GSG1L2: variants seen among roughly 807,000 people sequenced by gnomAD.
The protein encoded by GSG1L2 is GSG1 like 2.
GSG1L2 carries 15 observed loss-of-function variants against 9.0 expected under a neutral mutation model. The ratio of observed to expected loss-of-function variants is 1.67; its 90% CI spans 1.12 to 2.57. The LOEUF (loss-of-function observed/expected upper bound fraction) is 2.57, where lower values mean the gene tolerates loss of function less well. Among genes scored for constraint, GSG1L2 ranks in the 30% most tolerant of loss-of-function variants. GSG1L2 has a pLI of 0.00. For missense variants in GSG1L2, 286 were observed against 150.3 expected, an observed-to-expected ratio of 1.90 and a Z score of -4.72; for synonymous variants, 127 against 57.9, an observed-to-expected ratio of 2.19 and a Z score of -5.41.
intron 1 of GSG1L2, among the ~76,000 whole-genome samples, chr17:9,818,009 C>T (rs574826663): frequency 3.6e-4 from 55 of 152,288 alleles, no homozygotes; most frequent in Non-Finnish European, 7.1e-4. Flanking sequence ...ATGGGCCTGG[C>T]ACAGTGGCCA....
intron 1 of GSG1L2, among the ~76,000 whole-genome samples, chr17:9,816,381 CGT>C (rs760933495): frequency 2.7e-5 from 4 of 149,188 alleles, no homozygotes; most frequent in African/African-American, 9.9e-5. Context: ...TGTGTGTGTG[CGT>C]GTGTGTCTGT....
intron 1 of GSG1L2, among the ~76,000 whole-genome samples, chr17:9,816,614 GTGTGT>G (rs2066564185): frequency 1.4e-5 from 2 of 139,766 alleles, no homozygotes; most frequent in South Asian, 4.8e-4. Context: ...GTGTGTGTCT[GTGTGT>G]CTGTTTTGCA....
intron 1 of GSG1L2, among the ~76,000 whole-genome samples, chr17:9,816,862 G>C (rs910351231): frequency 6.9e-6 from 1 of 145,956 alleles, no homozygotes; most frequent in African/African-American, 2.6e-5. Flanking sequence ...GTATCTGTAT[G>C]TGTGTGTCTG....
At chr17:9,807,446 C>A (rs1468725275) in intron 4 of GSG1L2, 44 bp downstream of exon 4, 1 of 702,082 alleles carries the variant, frequency 1.4e-6, no homozygotes, top group Non-Finnish European at 2.6e-6. Flanking sequence ...ATGTGCATCT[C>A]TCCTGATCCT....
In GSG1L2 at chr17:9,821,927, C is replaced by T; in HGVS notation, c.145G>A (p.Gly49Arg). The T allele has an allele frequency of 1.4e-6, 1 of 703,248 alleles. No homozygotes were observed. The highest frequency in any genetic ancestry group is 2.6e-6 in the Non-Finnish European group (1 of 385,040). 43.6% of individuals were successfully genotyped at this position (703,248 alleles called of 1,614,324 possible). Residue 49 changes from glycine (G) to arginine (R), a missense_variant, in exon 1 of 5, where the codon GGG (glycine) becomes AGG (arginine). By Grantham distance (125) the Gly-to-Arg change is moderately radical (BLOSUM62 -2). Coordinates refer to ENST00000399363, the MANE Select transcript of GSG1L2 (RefSeq NM_001310219.2). Reference sequence around the variant, plus strand: ...CGTTTGAAGTGAATGCAGTGCTGCCCTCCCGGCTGGTCCTGGCACAGTGGC... The same window carrying T: ...CGTTTGAAGTGAATGCAGTGCTGCCTTCCCGGCTGGTCCTGGCACAGTGGC... The part of the protein sequence containing the change: ...VKPLCQDQPG[G>R]QHCIHFKRDN...
At chr17:9,809,697 A>G (rs1260720057) in intron 2 of GSG1L2, 2 of 152,256 alleles carry the variant, frequency 1.3e-5, no homozygotes, top group Non-Finnish European at 2.9e-5. Context: ...TGTTTTACAA[A>G]CCTCTTTAAG....
At chr17:9,821,392 T>C (rs937299278) in intron 1 of GSG1L2, among the ~76,000 whole-genome samples, 7 of 148,084 alleles carry the variant, frequency 4.7e-5, no homozygotes, top group Admixed American at 3.3e-4. Flanking sequence ...ATACCAGGGA[T>C]TCAGTGACAA....
intron 1 of GSG1L2, 113 bp downstream of exon 1, chr17:9,821,649 A>G: frequency 1.5e-6 from 1 of 650,216 alleles, no homozygotes; most frequent in Non-Finnish European, 2.8e-6. Flanking sequence ...CCCCTGCATC[A>G]TCCCGCACCT....
chr17:9,820,178 C>T lies in GSG1L2; in HGVS notation c.310+1584G>A, dbSNP rs2066583455. ...CTCTCTTAAATTAGAACCTCCAGGA[C>T]TGGGCACCTGGATATTTCTTTTACA... On this transcript the variant is annotated intron_variant, in intron 1 of 4. Transcript: ENST00000399363. This position sits in a 1 kb window ranked among gnomAD's most constrained non-coding sequence, Gnocchi z 4.9. 6.6e-6 allele frequency among the ~76,000 whole-genome samples: 1 copy of T among 152,112 alleles called. No individual in the cohort carries two copies. The highest frequency in any genetic ancestry group is 2.4e-5 in the African/African-American group (1 of 41,436).
intron 1 of GSG1L2, among the ~76,000 whole-genome samples, chr17:9,816,091 A>T (rs2066558283): frequency 6.6e-6 from 1 of 152,162 alleles, no homozygotes; most frequent in Non-Finnish European, 1.5e-5. Context: ...CTCTCACCAG[A>T]TGTGCTCCCT....
rs1258630706 is a variant in GSG1L2, at chr17:9,820,715, G to A, written c.310+1047C>T. Among the ~76,000 whole-genome samples, 3 of 151,608 alleles carry A rather than the reference G, an allele frequency of 2.0e-5. No homozygotes were observed. Among genetic ancestry groups the A allele is most frequent in the Admixed American group, 1.3e-4 (2 of 15,200 alleles). On this transcript the variant is annotated intron_variant, in intron 1 of 4. Coordinates refer to ENST00000399363, the MANE Select transcript of GSG1L2 (RefSeq NM_001310219.2). This position sits in a 1 kb window ranked among gnomAD's most constrained non-coding sequence, Gnocchi z 4.9. ...TCTCGCTCTATCATTCAGGCTGGAGGGCAGTCACACGATGATGACTCACTG... is the reference window on the plus strand; with the variant it reads ...TCTCGCTCTATCATTCAGGCTGGAGAGCAGTCACACGATGATGACTCACTG...
chr17:9,808,932 G>C lies in GSG1L2; in HGVS notation c.409C>G (p.Leu137Val), dbSNP rs1200363806. ...GAGCCCAGGAGGATGGCGCTTGTCAGTATCAGAACGATATCCAGGACCTCG... is the reference window on the plus strand; with the variant it reads ...GAGCCCAGGAGGATGGCGCTTGTCACTATCAGAACGATATCCAGGACCTCG... ...GGEVLDIVLI[L>V]TSAILLGSRV... The change falls in exon 3 of 5, where the codon CTG becomes GTG. Residue 137 changes from leucine (L) to valine (V), a missense_variant. Transcript: ENST00000399363. The C allele has an allele frequency of 1.4e-6, 1 of 703,042 alleles. No individual in the cohort carries two copies. The allele number at this position is 703,042 out of a possible 1,614,324, so 43.6% of individuals were successfully genotyped here.
At position 9,801,170 on chromosome 17, in the gene GSG1L2, T is replaced by C. The variant is rs544910603; in HGVS notation, c.*1216A>G. The stretch of plus-strand genomic sequence containing the variant: ...TAAAATGGATCTGAGCAAGGACATA[T>C]TGAAGGTTGTTAGAGTTTGCAGTCC... On this transcript the variant is annotated 3_prime_UTR_variant, in exon 5 of 5. Transcript: ENST00000399363. Among the ~76,000 whole-genome samples the C allele has an allele frequency of 7.2e-5, 11 of 152,258 alleles. No homozygotes were observed. In the East Asian group the frequency reaches 2.1e-3, roughly 29 times the overall value.
intron 4 of GSG1L2, among the ~76,000 whole-genome samples, chr17:9,806,715 C>G (rs1252653276): frequency 6.6e-6 from 1 of 152,152 alleles, no homozygotes; most frequent in African/African-American, 2.4e-5. Flanking sequence ...CCCTCAGAAC[C>G]AATAGCACTA....
At chr17:9,817,371 G>A (rs2066571842) in intron 1 of GSG1L2, among the ~76,000 whole-genome samples, 1 of 151,210 alleles carries the variant, frequency 6.6e-6, no homozygotes, top group South Asian at 2.1e-4. Context: ...GTTCTACTCT[G>A]GCCCTAGCTC....
intron 1 of GSG1L2, among the ~76,000 whole-genome samples, chr17:9,816,868 G>C (rs796447862): frequency 2.4e-3 from 344 of 143,196 alleles, no homozygotes; most frequent in Non-Finnish European, 4.3e-3. Flanking sequence ...GTATGTGTGT[G>C]TCTGTGTGTG....
rs765886691 is a variant in GSG1L2 at position 9,821,729 on chromosome 17, C to G, written c.310+33G>C. Reference sequence around the variant, plus strand: ...CCAGAGCCCCTGCCCCATCCCGCACCTGTCTTCCCCAGAATCTACAGGCTT... The same window carrying G: ...CCAGAGCCCCTGCCCCATCCCGCACGTGTCTTCCCCAGAATCTACAGGCTT... On this transcript the variant is annotated intron_variant, in intron 1 of 4. Transcript: ENST00000399363. 3 of 698,008 alleles carry G rather than the reference C, an allele frequency of 4.3e-6. No individual in the cohort carries two copies. The South Asian group carries it at 4.5e-5, about 10-fold the overall frequency. 43.2% of individuals were successfully genotyped at this position (698,008 alleles called of 1,614,324 possible). A position where few individuals can be genotyped will look rare whatever the true frequency, so the allele number is the denominator to read the frequency against.
At chr17:9,808,077 C>A (rs1251559261) in intron 3 of GSG1L2, among the ~76,000 whole-genome samples, 1 of 151,996 alleles carries the variant, frequency 6.6e-6, no homozygotes, top group Admixed American at 6.5e-5. Context: ...TTAAAAGGGA[C>A]TTTAAAAAAA....
At chr17:9,802,891 A>T (rs1490744547) in intron 4 of GSG1L2, among the ~76,000 whole-genome samples, 1 of 152,050 alleles carries the variant, frequency 6.6e-6, no homozygotes, top group Non-Finnish European at 1.5e-5. Context: ...TAACCATGTG[A>T]CCTTGAGCTG....
Sources: allele counts gnomAD v4.1 joint callset (sites outside exome capture counted in the v4.1 genomes callset), GRCh38; gene constraint gnomAD v4.1.1; non-coding constraint Gnocchi (gnomAD v3.1); transcripts MANE v1.5; gene names NCBI Gene and HGNC (gene_info 2026-07-23, HGNC 2026-07-21).